The following OR9I1 variants were observed in gnomAD, a reference collection of about 807,000 sequenced individuals.
The protein encoded by OR9I1 is olfactory receptor family 9 subfamily I member 1.
OR9I1 carries 7 observed loss-of-function variants against 11.2 expected under a neutral mutation model. The ratio of observed to expected loss-of-function variants is 0.62; its 90% CI spans 0.36 to 1.17. The LOEUF is 1.17. Among genes scored for constraint, OR9I1 ranks in the 50% most tolerant of loss-of-function variants. OR9I1 has a pLI of 0.02. For missense variants in OR9I1, 428 were observed against 377.2 expected (o/e 1.13, Z -1.12); for synonymous variants, 165 against 153.4 (o/e 1.08, Z -0.56).
rs1232813620 is a variant in OR9I1 at position 58,120,827 on chromosome 11, T to TATAC, written c.-22-1362_-22-1361insGTAT. 2.5e-3 allele frequency among the ~76,000 whole-genome samples: 369 copies of TATAC among 145,104 alleles called. 1 individual carries two copies. The highest frequency in any genetic ancestry group is 4.3e-3 in the Admixed American group (63 of 14,552). The stretch of plus-strand genomic sequence containing the variant: ...CCATATATATATATATATATATATA[T>TATAC]ACATATATTCTTGTTTTTTGACTGA... On this transcript the variant is annotated intron_variant, in intron 2 of 2. Transcript: ENST00000641439.
intron 2 of OR9I1, among the ~76,000 whole-genome samples, chr11:58,123,268 A>T (rs571249829): frequency 6.6e-6 from 1 of 152,314 alleles, no homozygotes; most frequent in African/African-American, 2.4e-5. Flanking sequence ...TAATCTATGG[A>T]AACAAAGAAA....
chr11:58,120,252 G>C (rs1425690152), intron 2 of OR9I1, among the ~76,000 whole-genome samples: 1 of 152,072 alleles, frequency 6.6e-6, no homozygotes, highest in Non-Finnish European at 1.5e-5. Context: ...CCTTGGGTAA[G>C]TTAACTAACC....
At chr11:58,122,539 T>G (rs1155857) in intron 2 of OR9I1, among the ~76,000 whole-genome samples, 150,812 of 152,296 alleles carry the variant, frequency 0.99, 74,689 homozygotes, top group East Asian at 1. Flanking sequence ...AGGCTCTGTA[T>G]CTACTAAATA....
chr11:58,124,378 A>C (rs1314626859), intron 2 of OR9I1, 60 bp downstream of exon 2: 2 of 152,096 alleles, frequency 1.3e-5, no homozygotes, highest in Non-Finnish European at 2.9e-5. Context: ...AGGGAAAAAG[A>C]CTCCTCTAAT....
chr11:58,118,417 G>T lies in OR9I1; in HGVS notation c.*83C>A, dbSNP rs952007952. ...TCTGTCTTCTCTGTTTGTGGGTATA[G>T]GTTGCATATAGTAATGGTGCCTATT... On this transcript the variant is annotated 3_prime_UTR_variant, in exon 3 of 3. Coordinates refer to ENST00000641439, the MANE Select transcript of OR9I1 (RefSeq NM_001005211.2). 1 of 865,450 alleles carries T rather than the reference G, an allele frequency of 1.2e-6. No homozygotes were observed. Among genetic ancestry groups the T allele is most frequent in the Admixed American group, 2.3e-5 (1 of 43,244 alleles). 53.6% of individuals were successfully genotyped at this position (865,450 alleles called of 1,614,324 possible). A position where few individuals can be genotyped will look rare whatever the true frequency, so the allele number is the denominator to read the frequency against.
Position 58,118,370 on chromosome 11 carries a change from G to C in OR9I1, c.*130C>G. ...TTTCACCACAATTGTAGTTTTTCCT[G>C]TGTGCCTGGTGGTACCTATCTTCTG... On this transcript the variant is annotated 3_prime_UTR_variant, in exon 3 of 3. Transcript: ENST00000641439. The C allele has an allele frequency of 1.6e-6, 1 of 640,046 alleles. No homozygotes were observed. The highest frequency in any genetic ancestry group is 2.6e-5 in the East Asian group (1 of 38,936). 39.6% of individuals were successfully genotyped at this position (640,046 alleles called of 1,614,324 possible).
At position 58,118,678 on chromosome 11, in the gene OR9I1, A is replaced by G; in HGVS notation, c.767T>C (p.Ile256Thr). The G allele has an allele frequency of 6.2e-7, 1 of 1,614,042 alleles. No homozygotes were observed. Among genetic ancestry groups the G allele is most frequent in the Non-Finnish European group, 8.5e-7 (1 of 1,179,978 alleles). ...TAVALFFGAL[I>T]FMYLQSGSGK... ...TGAGCCACTTTGCAGATACATGAAG[A>G]TAAGGGCTCCAAAGAAAAGGGCCAC... Residue 256 changes from isoleucine (I) to threonine (T), a missense_variant, in exon 3 of 3, where the codon ATC becomes ACC. Coordinates refer to ENST00000641439, the MANE Select transcript of OR9I1 (RefSeq NM_001005211.2).
chr11:58,125,092 G>A (rs1854075809), intron 1 of OR9I1, among the ~76,000 whole-genome samples, 182 bp downstream of exon 1: 1 of 152,084 alleles, frequency 6.6e-6, no homozygotes, highest in Admixed American at 6.6e-5. Flanking sequence ...ATTACAGAAA[G>A]TAGAGTCATT....
rs1854070354 is a variant in OR9I1 at position 58,124,594 on chromosome 11, A to G, written c.-179T>C. ...TAACATTTGCTGAGCTCTTGCTCCA[A>G]GTCAGGTAGATGCTAAGCACTTTAA... On this transcript the variant is annotated 5_prime_UTR_variant, in exon 2 of 3. Coordinates refer to ENST00000641439, the MANE Select transcript of OR9I1 (RefSeq NM_001005211.2). 1 of 152,188 alleles carries G rather than the reference A, an allele frequency of 6.6e-6. No individual in the cohort carries two copies. The highest frequency in any genetic ancestry group is 2.1e-4 in the South Asian group (1 of 4,826). The allele number at this position is 152,188 out of a possible 1,614,324, so 9.4% of individuals were successfully genotyped here.
chr11:58,123,376 A>G (rs1207216963), intron 2 of OR9I1, among the ~76,000 whole-genome samples: 1 of 152,182 alleles, frequency 6.6e-6, no homozygotes, highest in Non-Finnish European at 1.5e-5. Context: ...AAATTGTTGT[A>G]GGTCATATTA....
rs1378271017 is a variant in OR9I1 at position 58,118,777 on chromosome 11, T to C, written c.668A>G (p.Lys223Arg). ...TGAAGACTTCACTTTCAAAATGGTC[T>C]TGATGATGAGCAGATAGGAAATCAG... The part of the protein sequence containing the change: ...VILISYLLII[K>R]TILKVKSSGG... The change falls in exon 3 of 3, where the codon AAG becomes AGG. Residue 223 changes from lysine (K) to arginine (R), a missense_variant. Physicochemically the swap from Lys to Arg is conservative, Grantham distance 26. Coordinates refer to ENST00000641439, the MANE Select transcript of OR9I1 (RefSeq NM_001005211.2). The C allele has an allele frequency of 6.2e-7, 1 of 1,613,970 alleles. No individual in the cohort carries two copies. Among genetic ancestry groups the C allele is most frequent in the Non-Finnish European group, 8.5e-7 (1 of 1,180,002 alleles).
intron 2 of OR9I1, among the ~76,000 whole-genome samples, chr11:58,119,818 C>A (rs796829164): frequency 7.0e-6 from 1 of 143,322 alleles, no homozygotes; most frequent in African/African-American, 3.0e-5. Context: ...GCCGTATGAG[C>A]CTCCATCTGC....
At chr11:58,123,194 G>A (rs898941774) in intron 2 of OR9I1, among the ~76,000 whole-genome samples, 6 of 152,154 alleles carry the variant, frequency 3.9e-5, no homozygotes, top group Non-Finnish European at 7.3e-5. Context: ...TTAGTTGATG[G>A]CAAATCCTCT....
intron 2 of OR9I1, among the ~76,000 whole-genome samples, chr11:58,120,825 T>TATATATATATAC (rs1404403230): frequency 9.2e-5 from 13 of 141,728 alleles, no homozygotes; most frequent in African/African-American, 3.3e-4. Context: ...TATATATATA[T>TATATATATATAC]ATACATATAT....
At chr11:58,123,066 T>C (rs1352707695) in intron 2 of OR9I1, among the ~76,000 whole-genome samples, 1 of 152,162 alleles carries the variant, frequency 6.6e-6, no homozygotes, top group Non-Finnish European at 1.5e-5. Flanking sequence ...TATTATTTAA[T>C]TCTGAAAGCA....
chr11:58,119,380 T>A lies in OR9I1; in HGVS notation c.65A>T (p.Lys22Ile). The part of the protein sequence containing the change: ...FILMGFMDHP[K>I]LEIPLFLVFL... ...CACCAGAAAGAGGGGAATCTCCAAT[T>A]TGGGGTGGTCCATAAAGCCCATGAG... is the stretch of plus-strand genomic sequence containing the variant. The change falls in exon 3 of 3, where the codon AAA becomes ATA. Residue 22 changes from lysine to isoleucine, a missense_variant. Physicochemically the swap from Lys to Ile is moderately radical, Grantham distance 102. Coordinates refer to ENST00000641439, the MANE Select transcript of OR9I1 (RefSeq NM_001005211.2). The A allele has an allele frequency of 6.2e-7, 1 of 1,613,804 alleles. No individual in the cohort carries two copies. Among genetic ancestry groups the A allele is most frequent in the Non-Finnish European group, 8.5e-7 (1 of 1,179,818 alleles).
chr11:58,121,222 A>C (rs1206662027), intron 2 of OR9I1, among the ~76,000 whole-genome samples: 5 of 152,192 alleles, frequency 3.3e-5, no homozygotes, highest in African/African-American at 1.2e-4. Flanking sequence ...TTTATATTTG[A>C]GTCATGGAAA....
At chr11:58,123,359 A>T (rs1854055059) in intron 2 of OR9I1, among the ~76,000 whole-genome samples, 1 of 152,168 alleles carries the variant, frequency 6.6e-6, no homozygotes, top group Non-Finnish European at 1.5e-5. Flanking sequence ...CTCAGTATCT[A>T]CTTCTGAAAT....
rs146791149 is a variant in OR9I1, at chr11:58,118,426, T to C, written c.*74A>G. 1 of 964,464 alleles carries C rather than the reference T, an allele frequency of 1.0e-6. No homozygotes were observed. Among genetic ancestry groups the C allele is most frequent in the Non-Finnish European group, 1.6e-6 (1 of 641,738 alleles). The allele number at this position is 964,464 out of a possible 1,614,324, so 59.7% of individuals were successfully genotyped here. On this transcript the variant is annotated 3_prime_UTR_variant, in exon 3 of 3. Transcript: ENST00000641439. ...TCTGTTTGTGGGTATAGGTTGCATATAGTAATGGTGCCTATTAGGATATAT... is the reference window on the plus strand; with the variant it reads ...TCTGTTTGTGGGTATAGGTTGCATACAGTAATGGTGCCTATTAGGATATAT...
Sources: allele counts gnomAD v4.1 joint callset (sites outside exome capture counted in the v4.1 genomes callset), GRCh38; gene constraint gnomAD v4.1.1; transcripts MANE v1.5; gene names NCBI Gene and HGNC (gene_info 2026-07-23, HGNC 2026-07-21).